The following FAM107B variants were observed in gnomAD, a reference collection of about 807,000 sequenced individuals.
The protein encoded by FAM107B is protein FAM107B.
A neutral mutation model predicts 31.5 loss-of-function variants in FAM107B; 21 were observed. The ratio of observed to expected loss-of-function variants is 0.67; its 90% CI spans 0.47 to 0.96. FAM107B has a LOEUF of 0.96. FAM107B is among the 40% of genes least tolerant of loss of function. The probability of loss-of-function intolerance (pLI) is 0.00; values close to 1 mark genes in which losing one functional copy is unlikely to be tolerated. For synonymous variants in FAM107B, 157 were observed against 141.5 expected (o/e 1.11, Z -0.78); for missense variants, 452 against 377.1 (o/e 1.20, Z -1.64).
intron 1 of FAM107B, among the ~76,000 whole-genome samples, chr10:14,742,125 G>A (rs1774341522): frequency 6.6e-6 from 1 of 151,552 alleles, no homozygotes; most frequent in Non-Finnish European, 1.5e-5. Context: ...TTTTTGTTTT[G>A]TTTTGAGAAA....
At chr10:14,662,549 T>A (rs1019617373) in intron 2 of FAM107B, among the ~76,000 whole-genome samples, 1 of 152,244 alleles carries the variant, frequency 6.6e-6, no homozygotes, top group South Asian at 2.1e-4. Flanking sequence ...GCTAATTTTT[T>A]AATTTTTTTG....
chr10:14,624,517 T>G (rs1195130908), intron 2 of FAM107B, among the ~76,000 whole-genome samples: 1 of 152,088 alleles, frequency 6.6e-6, no homozygotes, highest in Non-Finnish European at 1.5e-5. Context: ...GCGCCTGTAA[T>G]CCTAGCTACT....
At chr10:14,622,057 T>C (rs564579309) in intron 2 of FAM107B, among the ~76,000 whole-genome samples, 1 of 152,044 alleles carries the variant, frequency 6.6e-6, no homozygotes, top group Non-Finnish European at 1.5e-5. Flanking sequence ...CTCCATGGAG[T>C]AACATTCCTG....
intron 2 of FAM107B, among the ~76,000 whole-genome samples, chr10:14,603,842 C>T (rs1852487268): frequency 6.6e-6 from 1 of 151,660 alleles, no homozygotes; most frequent in Non-Finnish European, 1.5e-5. Flanking sequence ...CGGTCCACGC[C>T]GGGCGCCGCG....
At chr10:14,614,645 C>G (rs1852806040) in intron 2 of FAM107B, among the ~76,000 whole-genome samples, 1 of 149,638 alleles carries the variant, frequency 6.7e-6, no homozygotes, top group Non-Finnish European at 1.5e-5. Flanking sequence ...TGCACTCCAG[C>G]CTGGGTGACA....
chr10:14,740,857 A>G (rs1409340363), intron 1 of FAM107B, among the ~76,000 whole-genome samples: 1 of 152,228 alleles, frequency 6.6e-6, no homozygotes, highest in Non-Finnish European at 1.5e-5. Context: ...AAAATAGTCT[A>G]GCCCCTGGAC....
At chr10:14,751,330 A>G (rs1832823404) in intron 1 of FAM107B, among the ~76,000 whole-genome samples, 1 of 152,170 alleles carries the variant, frequency 6.6e-6, no homozygotes, top group African/African-American at 2.4e-5. Context: ...TTGTCCTGCC[A>G]GGAGCTAAGT....
At chr10:14,616,041 T>A (rs181876569) in intron 2 of FAM107B, among the ~76,000 whole-genome samples, 1 of 152,340 alleles carries the variant, frequency 6.6e-6, no homozygotes, top group Non-Finnish European at 1.5e-5. Flanking sequence ...CTTCAAACAT[T>A]TTGTAACAAT....
chr10:14,745,201 T>G (rs946163414), intron 1 of FAM107B, among the ~76,000 whole-genome samples: 6 of 152,144 alleles, frequency 3.9e-5, no homozygotes, highest in Admixed American at 3.3e-4. Flanking sequence ...TCTTTTCTTC[T>G]TTGTTAGTCT....
intron 1 of FAM107B, among the ~76,000 whole-genome samples, chr10:14,686,008 C>A (rs7898824): frequency 1.3e-5 from 2 of 151,868 alleles, no homozygotes; most frequent in South Asian, 4.1e-4. Flanking sequence ...TTCACTACCA[C>A]GAGAACCATC....
At chr10:14,679,052 G>A (rs533626112) in intron 1 of FAM107B, among the ~76,000 whole-genome samples, 18 of 152,338 alleles carry the variant, frequency 1.2e-4, no homozygotes, top group Middle Eastern at 3.4e-3. Context: ...GAGTTAGAGA[G>A]ACTGAGGTTC....
Position 14,531,242 on chromosome 10 carries a change from G to A in FAM107B, c.470-727C>T, listed in dbSNP as rs1272234683. Among the ~76,000 whole-genome samples the A allele has an allele frequency of 5.9e-5, 9 of 152,326 alleles. 1 individual carries two copies. Among genetic ancestry groups the A allele is most frequent in the Middle Eastern group, 6.8e-3 (2 of 294 alleles). ...TTCCCCTGTTACAAAATACAAGGCC[G>A]AGCAAGGTGGCTCATGCCTGTAATC... On this transcript the variant is annotated intron_variant, in intron 2 of 4. Coordinates refer to ENST00000181796, the MANE Select transcript of FAM107B (RefSeq NM_031453.4).
At chr10:14,686,991 T>G (rs1371616534) in intron 1 of FAM107B, among the ~76,000 whole-genome samples, 1 of 152,248 alleles carries the variant, frequency 6.6e-6, no homozygotes, top group Non-Finnish European at 1.5e-5. Flanking sequence ...TGTAACTCAT[T>G]GCTTTTCAGG....
At chr10:14,528,825 A>G (rs933267495) in intron 3 of FAM107B, among the ~76,000 whole-genome samples, 1 of 152,222 alleles carries the variant, frequency 6.6e-6, no homozygotes, top group Non-Finnish European at 1.5e-5. Flanking sequence ...AAACTACTAA[A>G]TATATTTTTG....
intron 2 of FAM107B, among the ~76,000 whole-genome samples, chr10:14,531,815 CAG>C (rs1472716667): frequency 5.9e-5 from 9 of 152,150 alleles, no homozygotes; most frequent in Admixed American, 3.3e-4. Context: ...GCCTGGGAAA[CAG>C]AGAGAGACTC....
intron 3 of FAM107B, 187 bp from the exon 4 acceptor site, chr10:14,522,206 G>C: frequency 1.4e-6 from 1 of 700,482 alleles, no homozygotes; most frequent in East Asian, 2.8e-5. Flanking sequence ...GGCAAGAGGA[G>C]ATCTCCAAAG....
intron 2 of FAM107B, among the ~76,000 whole-genome samples, chr10:14,629,892 C>A (rs1853309339): frequency 6.6e-6 from 1 of 152,002 alleles, no homozygotes; most frequent in South Asian, 2.1e-4. Flanking sequence ...ATGATTTTTA[C>A]ATTTACTTTT....
intron 2 of FAM107B, among the ~76,000 whole-genome samples, chr10:14,569,953 C>T (rs2131253622): frequency 6.6e-6 from 1 of 152,306 alleles, no homozygotes; most frequent in East Asian, 1.9e-4. Context: ...AGGGCAGAAA[C>T]ACCCAGCAAC....
chr10:14,533,113 G>C (rs769422751), intron 2 of FAM107B, among the ~76,000 whole-genome samples: 6 of 152,168 alleles, frequency 3.9e-5, no homozygotes, highest in Non-Finnish European at 7.4e-5. Context: ...TCTGAGCAGA[G>C]TAATGACGGT....
Sources: gnomAD v4.1 joint callset for allele counts (sites outside exome capture counted in the v4.1 genomes callset) on GRCh38, gnomAD v4.1.1 for gene constraint, MANE v1.5 for transcripts, NCBI Gene and HGNC (gene_info 2026-07-23, HGNC 2026-07-21) for gene names.